The following BBS7 variants were observed in gnomAD, a reference collection of about 807,000 sequenced individuals.
BBS7 encodes the protein BBSome complex member BBS7.
Under a neutral mutation model 90.3 loss-of-function variants are expected in BBS7, and 50 were observed. That is an observed-to-expected ratio of 0.55 (90% CI 0.44 to 0.70). The LOEUF is 0.70. BBS7 is among the 30% of genes least tolerant of loss of function. The pLI, the probability that BBS7 is intolerant of heterozygous loss-of-function variation, is 0.00. For synonymous variants in BBS7, 235 were observed against 287.4 expected (o/e 0.82, Z 1.85); for missense variants, 729 against 838.9 (o/e 0.87, Z 1.62).
intron 8 of BBS7, among the ~76,000 whole-genome samples, chr4:121,850,366 C>G (rs1406917460): frequency 6.6e-6 from 1 of 151,976 alleles, no homozygotes; most frequent in South Asian, 2.1e-4. Context: ...GGGTCTCCCT[C>G]TGTTGCCCAG....
intron 15 of BBS7, among the ~76,000 whole-genome samples, chr4:121,829,290 A>G (rs867782644): frequency 3.0e-4 from 45 of 147,584 alleles, no homozygotes; most frequent in African/African-American, 9.4e-4. Context: ...GCTGGAGTGC[A>G]GTGGCGTGAT....
At chr4:121,863,188 AT>A (rs1727078296) in intron 3 of BBS7, 28 bp downstream of exon 3, 11 of 1,607,868 alleles carry the variant, frequency 6.8e-6, no homozygotes, top group Non-Finnish European at 8.5e-6. Flanking sequence ...TTAGAAAACC[AT>A]TTTTCCCCTT....
At position 121,853,010 on chromosome 4, in the gene BBS7, C is replaced by T. The variant is rs754029033; in HGVS notation, c.795G>A (p.Met265Ile). 1.2e-6 allele frequency: 2 copies of T among 1,613,810 alleles called. No homozygotes were observed. Among genetic ancestry groups the T allele is most frequent in the Non-Finnish European group, 1.7e-6 (2 of 1,179,836 alleles). Residue 265 changes from methionine to isoleucine, a missense_variant, in exon 8 of 19, where the codon ATG (methionine) becomes ATA (isoleucine). Transcript: ENST00000264499. The stretch of plus-strand genomic sequence containing the variant: ...CATTATCAAAACTATACACTTCCAC[C>T]ATTCCGTCATCTCTCCCAACAAGTA... The part of the protein sequence containing the change: ...KDLLVGRDDG[M>I]VEVYSFDNAN...
intron 15 of BBS7, among the ~76,000 whole-genome samples, chr4:121,829,819 C>T (rs1300627410): frequency 6.6e-6 from 1 of 152,152 alleles, no homozygotes; most frequent in African/African-American, 2.4e-5. Flanking sequence ...CATAACACTG[C>T]ATGGTAAAGC....
At position 121,833,302 on chromosome 4, in the gene BBS7, AG is replaced by A. The variant is rs1725285901; in HGVS notation, c.1604del (p.Pro535LeufsTer7). The A allele has an allele frequency of 1.9e-6, 3 of 1,613,984 alleles. No homozygotes were observed. In the East Asian group the frequency reaches 6.7e-5, roughly 36 times the overall value. ...VFCLPEVPEK[P>X]PAGECVTFYF... ...AAAATGTCACACATTCTCCTGCTGGAGGTTTTTCTGGAACTTCAGGCAGACA... is the reference window on the plus strand; with the variant it reads ...AAAATGTCACACATTCTCCTGCTGGAGTTTTTCTGGAACTTCAGGCAGACA... On this transcript the variant is annotated frameshift_variant, in exon 15 of 19. Transcript: ENST00000264499. LOFTEE classifies it high-confidence loss of function.
intron 15 of BBS7, among the ~76,000 whole-genome samples, chr4:121,832,343 C>G (rs191173695): frequency 1.3e-5 from 2 of 151,958 alleles, no homozygotes; most frequent in East Asian, 3.9e-4. Context: ...ACAAAACAAA[C>G]AGCAACAACA....
intron 15 of BBS7, among the ~76,000 whole-genome samples, chr4:121,829,304 C>T (rs1447331301): frequency 6.6e-6 from 1 of 151,284 alleles, no homozygotes; most frequent in Non-Finnish European, 1.5e-5. Context: ...GCGTGATCTC[C>T]ACTCACTACA....
At position 121,859,174 on chromosome 4, in the gene BBS7, T is replaced by C. The variant is rs2149085075; in HGVS notation, c.346A>G (p.Ile116Val). 2 of 1,613,626 alleles carry C rather than the reference T, an allele frequency of 1.2e-6. No homozygotes were observed. The highest frequency in any genetic ancestry group is 1.7e-6 in the Non-Finnish European group (2 of 1,179,570). ...NLTESIKAMHISGSDLFLSAS... is the reference protein window; with the variant it reads ...NLTESIKAMHVSGSDLFLSAS... ...CTGAGAAAGAGGTCTGAGCCAGATA[T>C]GTGCCTGAGAACATTAAAATAGTAA... Residue 116 changes from isoleucine (I) to valine (V), a missense_variant, in exon 5 of 19, where the codon ATA becomes GTA. Physicochemically the swap from Ile to Val is conservative, Grantham distance 29. Transcript: ENST00000264499.
Position 121,863,214 on chromosome 4 carries a change from T to TA in BBS7, c.165+2dup, listed in dbSNP as rs756414412. 6 of 1,613,630 alleles carry TA rather than the reference T, an allele frequency of 3.7e-6. No individual in the cohort carries two copies. The highest frequency in any genetic ancestry group is 3.4e-6 in the Non-Finnish European group (4 of 1,179,626). On this transcript the variant is annotated splice_region_variant and intron_variant, in intron 3 of 18. Coordinates refer to ENST00000264499, the MANE Select transcript of BBS7 (RefSeq NM_176824.3). ...TTTTTCCCCTTCACAAAGCTATACTTACTGCTGCTTCTCCTTTCTTCATGC... is the reference window on the plus strand; with the variant it reads ...TTTTTCCCCTTCACAAAGCTATACTTAACTGCTGCTTCTCCTTTCTTCATGC...
chr4:121,847,751 A>G (rs1300323722), intron 9 of BBS7, among the ~76,000 whole-genome samples: 1 of 152,130 alleles, frequency 6.6e-6, no homozygotes, highest in Admixed American at 6.5e-5. Flanking sequence ...CTGTAATACT[A>G]TAATGAAGGG....
At chr4:121,848,806 T>C in intron 9 of BBS7, 38 bp downstream of exon 9, 1 of 1,528,170 alleles carries the variant, frequency 6.5e-7, no homozygotes, top group Non-Finnish European at 9.0e-7. Flanking sequence ...TTTTTGTTGT[T>C]GACTCTTTCT....
intron 2 of BBS7, 61 bp downstream of exon 2, chr4:121,867,920 A>AT: frequency 7.4e-7 from 1 of 1,356,404 alleles, no homozygotes; most frequent in South Asian, 1.2e-5. Context: ...AAAGAAGGAA[A>AT]TAGGAGCCTC....
chr4:121,825,926 G>T lies in BBS7; in HGVS notation c.2082C>A (p.Pro694=), dbSNP rs759152556. The T allele has an allele frequency of 1.2e-5, 20 of 1,610,820 alleles. No homozygotes were observed. In the Admixed American group the frequency reaches 1.5e-4, roughly 12 times the overall value. ...FKGTNVKTKV[P]LLLEILDSYD... is the part of the protein sequence containing the mutation. ...AACTGTCCAGAATTTCCAATAGAAGGGGTACTTTAGTTTTTACATTGGTGC... is the reference window on the plus strand; with the variant it reads ...AACTGTCCAGAATTTCCAATAGAAGTGGTACTTTAGTTTTTACATTGGTGC... Residue 694 remains proline, a synonymous_variant, in exon 19 of 19, where the codon CCC becomes CCA. Coordinates refer to ENST00000264499, the MANE Select transcript of BBS7 (RefSeq NM_176824.3).
At chr4:121,826,939 G>A (rs1211112079) in intron 18 of BBS7, among the ~76,000 whole-genome samples, 1 of 152,158 alleles carries the variant, frequency 6.6e-6, no homozygotes, top group Non-Finnish European at 1.5e-5. Flanking sequence ...AGCCGAGATC[G>A]CGCCACTGAC....
chr4:121,844,419 G>A lies in BBS7; in HGVS notation c.1231-418C>T, dbSNP rs146243918. ...AAGATAATTTTTGGTCTCCTCTGGA[G>A]AGGCAGTTTGTAGGACAAAGCTGTT... is the stretch of plus-strand genomic sequence containing the variant. On this transcript the variant is annotated intron_variant, in intron 11 of 18. Coordinates refer to ENST00000264499, the MANE Select transcript of BBS7 (RefSeq NM_176824.3). Among the ~76,000 whole-genome samples, 175 of 152,272 alleles carry A rather than the reference G, an allele frequency of 1.1e-3. 1 individual carries two copies. Among genetic ancestry groups the A allele is most frequent in the African/African-American group, 4.1e-3 (169 of 41,556 alleles).
intron 5 of BBS7, among the ~76,000 whole-genome samples, chr4:121,857,905 C>T (rs1281199792): frequency 3.4e-5 from 5 of 147,734 alleles, no homozygotes; most frequent in African/African-American, 1.0e-4. Context: ...CTCCTGGGTT[C>T]GAGTGATTCT....
chr4:121,835,055 C>T, intron 14 of BBS7, 89 bp downstream of exon 14: 1 of 1,330,010 alleles, frequency 7.5e-7, no homozygotes. Flanking sequence ...GTAGAAATTG[C>T]TAACAGAATT....
intron 2 of BBS7, 111 bp from the exon 3 acceptor site, chr4:121,863,390 C>A: frequency 2.1e-6 from 2 of 942,782 alleles, no homozygotes; most frequent in Non-Finnish European, 3.1e-6. Flanking sequence ...TAATAGAGAT[C>A]AGAAAATCTA....
At chr4:121,836,454 T>G (rs1303720207) in intron 13 of BBS7, among the ~76,000 whole-genome samples, 1 of 152,212 alleles carries the variant, frequency 6.6e-6, no homozygotes, top group Non-Finnish European at 1.5e-5. Context: ...AAAAATATAT[T>G]CAAATTATAC....
Sources: gnomAD v4.1 joint callset for allele counts (sites outside exome capture counted in the v4.1 genomes callset) on GRCh38, gnomAD v4.1.1 for gene constraint, MANE v1.5 for transcripts, NCBI Gene and HGNC (gene_info 2026-07-23, HGNC 2026-07-21) for gene names.